ZNF429: variants seen among roughly 807,000 people sequenced by gnomAD.
ZNF429 encodes zinc finger protein 429.
In ZNF429, 53 loss-of-function variants were observed where a neutral mutation model predicts 56.8. That is an observed-to-expected ratio of 0.93 (90% CI 0.75 to 1.17). The LOEUF (loss-of-function observed/expected upper bound fraction) is 1.17. ZNF429 is among the 50% of genes most tolerant of loss of function. ZNF429 has a pLI of 0.00. For missense variants in ZNF429, 849 were observed against 788.4 expected (o/e 1.08, Z -0.92); for synonymous variants, 278 against 264.7 (o/e 1.05, Z -0.49).
intron 3 of ZNF429, among the ~76,000 whole-genome samples, chr19:21,531,339 C>T: frequency 6.6e-6 from 1 of 151,946 alleles, no homozygotes; most frequent in Non-Finnish European, 1.5e-5. Flanking sequence ...ATCTCAGCAC[C>T]CTGGGGACCC....
intron 1 of ZNF429, 173 bp from the exon 2 acceptor site, chr19:21,529,485 T>G (rs1290961163): frequency 1.1e-6 from 1 of 947,590 alleles, no homozygotes; most frequent in Non-Finnish European, 1.3e-6. Context: ...TAGAGAACAT[T>G]TCTGTTTATA....
chr19:21,535,760 C>T, intron 3 of ZNF429, among the ~76,000 whole-genome samples: 1 of 151,876 alleles, frequency 6.6e-6, no homozygotes, highest in African/African-American at 2.4e-5. Flanking sequence ...ATGATCTGCC[C>T]GCCTTGGCCT....
rs1478758576 is a variant in ZNF429, at chr19:21,537,034, C to A, written c.981C>A (p.Thr327=). Residue 327 remains threonine, a synonymous_variant, in exon 4 of 4, where the codon ACC becomes ACA. Transcript: ENST00000358491. ...ECGKAFNRSS[T]LTSHKRIHTG... ...GCAAAGCCTTTAACCGGTCCTCAAC[C>A]CTTACTAGCCATAAGAGAATACATA... 1 of 1,612,900 alleles carries A rather than the reference C, an allele frequency of 6.2e-7. No homozygotes were observed. The highest frequency in any genetic ancestry group is 8.5e-7 in the Non-Finnish European group (1 of 1,179,646).
intron 1 of ZNF429, among the ~76,000 whole-genome samples, chr19:21,515,786 G>A (rs1420688867): frequency 1.3e-5 from 2 of 152,100 alleles, no homozygotes; most frequent in Admixed American, 1.3e-4. Flanking sequence ...AAGGGGTGCT[G>A]TTTCAGTCTT....
chr19:21,530,566 CTTCT>C lies in ZNF429; in HGVS notation c.131-20_131-17del. 6 of 1,546,480 alleles carry C rather than the reference CTTCT, an allele frequency of 3.9e-6. No homozygotes were observed. Among genetic ancestry groups the C allele is most frequent in the East Asian group, 2.3e-5 (1 of 44,238 alleles). ...ATTACAGAATATAAGCAAGATTCAT[CTTCT>C]TTATTTTTAATAAAACAGGTATTGC... On this transcript the variant is annotated intron_variant, in intron 2 of 3. Transcript: ENST00000358491.
intron 1 of ZNF429, among the ~76,000 whole-genome samples, chr19:21,514,694 T>G (rs1291609354): frequency 6.6e-6 from 1 of 151,948 alleles, no homozygotes; most frequent in African/African-American, 2.4e-5. Context: ...ACCTCCCAGA[T>G]TCAAGTGATT....
At position 21,538,975 on chromosome 19, in the gene ZNF429, C is replaced by A. The variant is rs1287504642; in HGVS notation, c.*897C>A. Among the ~76,000 whole-genome samples the A allele has an allele frequency of 3.3e-5, 5 of 152,056 alleles. No homozygotes were observed. In the East Asian group the frequency reaches 9.6e-4, roughly 29 times the overall value. On this transcript the variant is annotated 3_prime_UTR_variant, in exon 4 of 4. Coordinates refer to ENST00000358491, the MANE Select transcript of ZNF429 (RefSeq NM_001001415.4). ...TACACATTTTATACTAGAGGAAAACCCTGAAGCAGTTGCACCAACTTTGTT... is the reference window on the plus strand; with the variant it reads ...TACACATTTTATACTAGAGGAAAACACTGAAGCAGTTGCACCAACTTTGTT...
intron 3 of ZNF429, among the ~76,000 whole-genome samples, chr19:21,532,842 G>C: frequency 6.6e-6 from 1 of 151,986 alleles, no homozygotes; most frequent in African/African-American, 2.4e-5. Context: ...GGGACTACAG[G>C]TGTGTGCCAC....
intron 1 of ZNF429, 174 bp downstream of exon 1, chr19:21,505,948 A>G (rs2032119727): frequency 3.3e-6 from 2 of 605,192 alleles, no homozygotes; most frequent in Non-Finnish European, 2.9e-6. Flanking sequence ...GACTGTGCTG[A>G]CAGCCGGGCC....
At chr19:21,529,319 A>G (rs1419021275) in intron 1 of ZNF429, 1 of 181,026 alleles carries the variant, frequency 5.5e-6, no homozygotes, top group South Asian at 1.9e-4. Flanking sequence ...TCTGAAAAAT[A>G]TACACAACTC....
At position 21,536,410 on chromosome 19, in the gene ZNF429, T is replaced by A. The variant is rs943624910; in HGVS notation, c.357T>A (p.Thr119=). ...TACAATTAAGAAAAGGCTATAAAAC[T>A]GTAGGTGATTGTAAGCTATACAAAG... ...ENLQLRKGYK[T]VGDCKLYKGG... Residue 119 remains threonine, a synonymous_variant, in exon 4 of 4, where the codon ACT becomes ACA. Coordinates refer to ENST00000358491, the MANE Select transcript of ZNF429 (RefSeq NM_001001415.4). 5 of 1,613,802 alleles carry A rather than the reference T, an allele frequency of 3.1e-6. No individual in the cohort carries two copies. The African/African-American group carries it at 6.7e-5, about 22-fold the overall frequency.
Position 21,537,439 on chromosome 19 carries a change from T to C in ZNF429, c.1386T>C (p.Phe462=), listed in dbSNP as rs142189246. The change falls in exon 4 of 4, where the codon TTT becomes TTC. Residue 462 remains phenylalanine (F), a synonymous_variant. Coordinates refer to ENST00000358491, the MANE Select transcript of ZNF429 (RefSeq NM_001001415.4). ...PYKCNECGKA[F]NRSSHLTSHR... is the part of the protein sequence containing the mutation. ...AATGTAACGAATGTGGCAAAGCTTT[T>C]AACCGGTCCTCACACCTTACTAGCC... is the stretch of plus-strand genomic sequence containing the variant. 24 of 1,613,764 alleles carry C rather than the reference T, an allele frequency of 1.5e-5. No homozygotes were observed. In the Admixed American group the frequency reaches 2.5e-4, roughly 17 times the overall value.
At chr19:21,523,207 A>G (rs2033045117) in intron 1 of ZNF429, among the ~76,000 whole-genome samples, 1 of 152,212 alleles carries the variant, frequency 6.6e-6, no homozygotes, top group Non-Finnish European at 1.5e-5. Flanking sequence ...AACATCTGCT[A>G]CTGCTACTCC....
At chr19:21,508,837 G>A (rs1337437947) in intron 1 of ZNF429, among the ~76,000 whole-genome samples, 2 of 152,030 alleles carry the variant, frequency 1.3e-5, no homozygotes, top group African/African-American at 4.8e-5. Context: ...AGAAAATGTT[G>A]TAGATAATAG....
intron 1 of ZNF429, among the ~76,000 whole-genome samples, chr19:21,511,606 C>T (rs1244067966): frequency 6.6e-6 from 1 of 150,602 alleles, no homozygotes; most frequent in Admixed American, 6.6e-5. Context: ...GGCAGCCAGG[C>T]AGAGGGGCTC....
chr19:21,529,766 A>G lies in ZNF429; in HGVS notation c.112A>G (p.Arg38Gly). The G allele has an allele frequency of 6.3e-7, 1 of 1,588,504 alleles. No individual in the cohort carries two copies. The highest frequency in any genetic ancestry group is 8.6e-7 in the Non-Finnish European group (1 of 1,167,242). The change falls in exon 2 of 4, where the codon AGA (arginine) becomes GGA (glycine). Residue 38 changes from arginine to glycine, a missense_variant. By Grantham distance (125) the Arg-to-Gly change is moderately radical (BLOSUM62 -2). Coordinates refer to ENST00000358491, the MANE Select transcript of ZNF429 (RefSeq NM_001001415.4). ...LYRNVMLENY[R>G]NLVFLGIAVS... ...TAGAAATGTGATGTTAGAGAACTAC[A>G]GAAACTTGGTCTTCCTGGGTGAGAA...
Position 21,536,875 on chromosome 19 carries a change from C to T in ZNF429, c.822C>T (p.Thr274=), listed in dbSNP as rs769181825. Residue 274 remains threonine (T), a synonymous_variant, in exon 4 of 4, where the codon ACC becomes ACT. Transcript: ENST00000358491. ...KAFSRYSTLT[T]HKRIHSGEKP... The stretch of plus-strand genomic sequence containing the variant: ...TTAGCAGGTACTCAACCCTTACTAC[C>T]CATAAGAGAATTCATTCTGGAGAGA... The T allele has an allele frequency of 2.5e-6, 4 of 1,610,346 alleles. No individual in the cohort carries two copies. Among genetic ancestry groups the T allele is most frequent in the East Asian group, 2.2e-5 (1 of 44,554 alleles).
chr19:21,524,083 A>G (rs2033079278), intron 1 of ZNF429, among the ~76,000 whole-genome samples: 1 of 152,230 alleles, frequency 6.6e-6, no homozygotes, highest in Non-Finnish European at 1.5e-5. Flanking sequence ...TGAGCTTTTC[A>G]GATCTTGTCC....
chr19:21,510,060 G>A (rs561478758), intron 1 of ZNF429, among the ~76,000 whole-genome samples: 5 of 152,030 alleles, frequency 3.3e-5, no homozygotes, highest in African/African-American at 7.2e-5. Context: ...AGGTGCCCGC[G>A]ACCATGCCCG....
Sources: allele counts gnomAD v4.1 joint callset (sites outside exome capture counted in the v4.1 genomes callset), GRCh38; gene constraint gnomAD v4.1.1; transcripts MANE v1.5; gene names NCBI Gene and HGNC (gene_info 2026-07-23, HGNC 2026-07-21).